Variants in SH3PXD2A observed in about 807,000 individuals in gnomAD.
The protein encoded by SH3PXD2A is SH3 and PX domain-containing protein 2A.
In SH3PXD2A, 32 loss-of-function variants were observed where a neutral mutation model predicts 115.2. That is an observed-to-expected ratio of 0.28 (90% CI 0.21 to 0.37). The LOEUF is 0.37. Ranked by LOEUF, SH3PXD2A falls within the 10% of genes least tolerant of loss-of-function variation. The pLI, the probability that SH3PXD2A is intolerant of heterozygous loss-of-function variation, is 1.00. For synonymous variants in SH3PXD2A, 610 were observed against 629.1 expected (o/e 0.97, Z 0.45); for missense variants, 1,328 against 1,498.7 (o/e 0.89, Z 1.88).
At chr10:103,809,745 C>T (rs567762169) in intron 1 of SH3PXD2A, among the ~76,000 whole-genome samples, 2 of 147,724 alleles carry the variant, frequency 1.4e-5, no homozygotes, top group African/African-American at 2.5e-5. Flanking sequence ...AGTGCAGTGG[C>T]GCCATCTCAG....
At chr10:103,718,306 C>T (rs747039839) in intron 5 of SH3PXD2A, among the ~76,000 whole-genome samples, 19 of 152,286 alleles carry the variant, frequency 1.2e-4, no homozygotes, top group East Asian at 5.8e-4. Context: ...CATAAGCCAC[C>T]GCACGGGGCC....
chr10:103,675,785 G>A (rs1356429509), intron 6 of SH3PXD2A, among the ~76,000 whole-genome samples: 1 of 152,182 alleles, frequency 6.6e-6, no homozygotes, highest in Non-Finnish European at 1.5e-5. Flanking sequence ...GCTCACGCCT[G>A]TAACCTTAGC....
Position 103,602,155 on chromosome 10 carries a change from A to C in SH3PXD2A, c.3063T>G (p.Ala1021=), listed in dbSNP as rs1439606033. ...CCTTGGCCTCGGCGGCAGCGGAGCG[A>C]GCAGTGCTAAAGGAGGAGTTCCGTC... The part of the protein sequence containing the change: ...GVRRNSSFST[A]RSAAAEAKGR... The change falls in exon 15 of 15, where the codon GCT becomes GCG. Residue 1021 remains alanine (A), a synonymous_variant. Coordinates refer to ENST00000369774, the MANE Select transcript of SH3PXD2A (RefSeq NM_001394015.1). 2.5e-6 allele frequency: 4 copies of C among 1,575,438 alleles called. No individual in the cohort carries two copies. The African/African-American group carries it at 5.4e-5, about 21-fold the overall frequency.
chr10:103,602,064 T>G lies in SH3PXD2A; in HGVS notation c.3154A>C (p.Ser1052Arg), dbSNP rs866060165. Residue 1052 changes from serine to arginine, a missense_variant, in exon 15 of 15, where the codon AGC (serine) becomes CGC (arginine). Ser to Arg is a moderately radical substitution (Grantham distance 110, BLOSUM62 -1). Transcript: ENST00000369774. Reference sequence around the variant, plus strand: ...GGGCGCACAGGGGACACGGGTATGCTGTTGCGCTGGGCGGGCAGTAGGGGT... The same window carrying G: ...GGGCGCACAGGGGACACGGGTATGCGGTTGCGCTGGGCGGGCAGTAGGGGT... The part of the protein sequence containing the change: ...DSPLLPAQRN[S>R]IPVSPVRPKP... 6.2e-7 allele frequency: 1 copy of G among 1,603,858 alleles called. No individual in the cohort carries two copies. Among genetic ancestry groups the G allele is most frequent in the Middle Eastern group, 1.7e-4 (1 of 6,018 alleles).
chr10:103,651,666 C>T (rs2037125525), intron 8 of SH3PXD2A, among the ~76,000 whole-genome samples: 1 of 152,226 alleles, frequency 6.6e-6, no homozygotes, highest in Non-Finnish European at 1.5e-5. Context: ...ATCCATCCTG[C>T]CTCTTGCCAA....
chr10:103,817,253 C>A (rs749788842), intron 1 of SH3PXD2A, among the ~76,000 whole-genome samples: 2 of 151,746 alleles, frequency 1.3e-5, no homozygotes, highest in African/African-American at 2.4e-5. Flanking sequence ...ATTTCATCAC[C>A]CAGGTATAAA....
At chr10:103,608,150 T>TAAAAAAAAAAAAAAAAGTTTACAAA (rs60345299) in intron 13 of SH3PXD2A, among the ~76,000 whole-genome samples, 1 of 32,668 alleles carries the variant, frequency 3.1e-5, no homozygotes, top group Non-Finnish European at 4.5e-5. Context: ...ATGATCAATT[T>TAAAAAAAAAAAAAAAAGTTTACAAA]AAAAAAAAAA....
intron 8 of SH3PXD2A, among the ~76,000 whole-genome samples, chr10:103,655,654 T>A (rs1377938353): frequency 6.6e-6 from 1 of 151,066 alleles, no homozygotes; most frequent in Non-Finnish European, 1.5e-5. Flanking sequence ...ACGCCTGTAA[T>A]CCCAGTTACT....
chr10:103,621,294 G>A (rs1235973528), intron 10 of SH3PXD2A, among the ~76,000 whole-genome samples: 2 of 152,158 alleles, frequency 1.3e-5, no homozygotes, highest in Non-Finnish European at 2.9e-5. Flanking sequence ...CAGCTTTAGG[G>A]TGGCCATTGC....
chr10:103,687,882 T>C (rs1056864252), intron 6 of SH3PXD2A, among the ~76,000 whole-genome samples: 1 of 152,180 alleles, frequency 6.6e-6, no homozygotes, highest in African/African-American at 2.4e-5. Context: ...TACTGCATCA[T>C]GAGCAGCCAG....
At chr10:103,698,445 C>A (rs753696436) in intron 5 of SH3PXD2A, among the ~76,000 whole-genome samples, 4 of 152,222 alleles carry the variant, frequency 2.6e-5, no homozygotes, top group African/African-American at 7.2e-5. Flanking sequence ...GCCCAGGATG[C>A]CTGTCTGCGG....
At chr10:103,761,034 C>T (rs1052611696) in intron 3 of SH3PXD2A, among the ~76,000 whole-genome samples, 11 of 152,092 alleles carry the variant, frequency 7.2e-5, no homozygotes, top group African/African-American at 1.9e-4. Flanking sequence ...ATGGGAATGC[C>T]GAGAGGTTGG....
At chr10:103,673,279 A>G (rs2037488268) in intron 6 of SH3PXD2A, 1 of 152,156 alleles carries the variant, frequency 6.6e-6, no homozygotes, top group Non-Finnish European at 1.5e-5. Flanking sequence ...TAATAATAAT[A>G]AAGGCTGGGC....
rs2036152919 is a variant in SH3PXD2A at position 103,597,502 on chromosome 10, G to A, written c.*4314C>T. ...TCCCGAGGGCCTGCCTCTGCTCCAG[G>A]GACTGGGGCCTAGAGGTCAAGGGCC... is the stretch of plus-strand genomic sequence containing the variant. On this transcript the variant is annotated 3_prime_UTR_variant, in exon 15 of 15. Transcript: ENST00000369774. The A allele has an allele frequency of 6.6e-6, 1 of 152,224 alleles. No individual in the cohort carries two copies. Among genetic ancestry groups the A allele is most frequent in the South Asian group, 2.1e-4 (1 of 4,824 alleles). 9.4% of individuals were successfully genotyped at this position (152,224 alleles called of 1,614,324 possible).
chr10:103,743,539 C>T (rs1183844423), intron 3 of SH3PXD2A, among the ~76,000 whole-genome samples: 1 of 149,828 alleles, frequency 6.7e-6, no homozygotes, highest in South Asian at 2.1e-4. Context: ...ACACAACACC[C>T]GACTACATTT....
At chr10:103,629,678 A>G (rs1274438564) in intron 8 of SH3PXD2A, among the ~76,000 whole-genome samples, 1 of 152,240 alleles carries the variant, frequency 6.6e-6, no homozygotes, top group Non-Finnish European at 1.5e-5. Context: ...ATTGGGAGGA[A>G]AGCCAGTAGG....
At chr10:103,730,888 G>A (rs1041655629) in intron 4 of SH3PXD2A, among the ~76,000 whole-genome samples, 1 of 152,184 alleles carries the variant, frequency 6.6e-6, no homozygotes, top group Non-Finnish European at 1.5e-5. Flanking sequence ...AATGGCAGGA[G>A]TGATCAGCTT....
intron 8 of SH3PXD2A, among the ~76,000 whole-genome samples, chr10:103,630,172 G>T (rs1489221010): frequency 6.6e-6 from 1 of 152,250 alleles, no homozygotes; most frequent in Admixed American, 6.5e-5. Context: ...TTGCTCAGAA[G>T]CTGTGGCTGA....
intron 8 of SH3PXD2A, among the ~76,000 whole-genome samples, chr10:103,647,280 T>TCCTGTCTCTGGGTCAGAGTTCCTGC (rs1390535931): frequency 6.6e-6 from 1 of 152,140 alleles, no homozygotes; most frequent in Non-Finnish European, 1.5e-5. Context: ...AATCTCACTG[T>TCCTGTCTCTGGGTCAGAGTTCCTGC]CCTGTCTCTG....
Sources: gnomAD v4.1 joint callset for allele counts (sites outside exome capture counted in the v4.1 genomes callset) on GRCh38, gnomAD v4.1.1 for gene constraint, MANE v1.5 for transcripts, NCBI Gene and HGNC (gene_info 2026-07-23, HGNC 2026-07-21) for gene names.